SPIN1: variants seen among roughly 807,000 people sequenced by gnomAD.
SPIN1 encodes spindlin 1, also known as spindlin-1.
A neutral mutation model predicts 26.0 loss-of-function variants in SPIN1; 3 were observed. The observed-to-expected ratio is 0.12, with a 90% CI of 0.05 to 0.30. SPIN1 has a LOEUF of 0.30. SPIN1 is among the 10% of genes least tolerant of loss of function. SPIN1 has a pLI of 1.00. For missense variants in SPIN1, 126 were observed against 333.4 expected, an observed-to-expected ratio of 0.38 and a Z score of 4.84; for synonymous variants, 101 against 116.5, an observed-to-expected ratio of 0.87 and a Z score of 0.86.
At chr9:88,407,765 C>CTT (rs57142193) in intron 1 of SPIN1, among the ~76,000 whole-genome samples, 19 of 140,412 alleles carry the variant, frequency 1.4e-4, no homozygotes, top group African/African-American at 3.5e-4. Flanking sequence ...ATCTCTCTCT[C>CTT]TTTTTTTTTT....
chr9:88,397,507 T>C (rs1192623296), intron 1 of SPIN1, among the ~76,000 whole-genome samples: 1 of 152,156 alleles, frequency 6.6e-6, no homozygotes, highest in East Asian at 1.9e-4. Flanking sequence ...CTTTAGAGTT[T>C]GGCTCAAGCA....
intron 1 of SPIN1, among the ~76,000 whole-genome samples, chr9:88,423,123 TAAC>T (rs1827703323): frequency 6.6e-6 from 1 of 152,232 alleles, no homozygotes; most frequent in Non-Finnish European, 1.5e-5. Context: ...TTTAGTTTAT[TAAC>T]AAGTTCAACT....
At chr9:88,402,531 G>GTTT (rs1827213710) in intron 1 of SPIN1, among the ~76,000 whole-genome samples, 5 of 141,388 alleles carry the variant, frequency 3.5e-5, no homozygotes, top group South Asian at 2.2e-4. Context: ...TTTTTTTATA[G>GTTT]CTCCCATGTA....
chr9:88,472,736 A>G (rs10868784), intron 5 of SPIN1, among the ~76,000 whole-genome samples: 49,999 of 152,128 alleles, frequency 0.33, 15,436 homozygotes, highest in African/African-American at 0.82. Flanking sequence ...TGTGTCTCTC[A>G]CCTTGGCCTC....
intron 2 of SPIN1, among the ~76,000 whole-genome samples, chr9:88,442,147 T>TTAACATTTCTTACAAGGCAGGTC (rs1364010092): frequency 6.6e-6 from 1 of 151,722 alleles, no homozygotes; most frequent in African/African-American, 2.4e-5. Flanking sequence ...GATTTTCTTT[T>TTAACATTTCTTACAAGGCAGGTC]TAACATTTCT....
At chr9:88,417,571 CA>C (rs1459638190) in intron 1 of SPIN1, among the ~76,000 whole-genome samples, 1 of 152,054 alleles carries the variant, frequency 6.6e-6, no homozygotes, top group African/African-American at 2.4e-5. Context: ...CTCTCGGGTT[CA>C]AGCAATTTTC....
Position 88,426,510 on chromosome 9 carries a change from C to A in SPIN1, c.-30C>A. On this transcript the variant is annotated 5_prime_UTR_variant, in exon 2 of 6. Coordinates refer to ENST00000375859, the MANE Select transcript of SPIN1 (RefSeq NM_006717.3). ...ATATTGAATTTTCACCCTAGTCCAG[C>A]AGCTCCGCTGCTCACTTAAATACAG... The A allele has an allele frequency of 6.2e-7, 1 of 1,602,430 alleles. No homozygotes were observed. Among genetic ancestry groups the A allele is most frequent in the Non-Finnish European group, 8.5e-7 (1 of 1,171,482 alleles).
At chr9:88,462,844 T>C in intron 4 of SPIN1, 95 bp downstream of exon 4, 1 of 1,348,870 alleles carries the variant, frequency 7.4e-7, no homozygotes, top group Non-Finnish European at 1.0e-6. Flanking sequence ...TTCACTTTTA[T>C]TGGAACACAA....
At chr9:88,438,451 G>C (rs1037053750) in intron 2 of SPIN1, among the ~76,000 whole-genome samples, 3 of 152,126 alleles carry the variant, frequency 2.0e-5, no homozygotes, top group Non-Finnish European at 2.9e-5. Flanking sequence ...TTGTGAAACT[G>C]TTTTACAGTT....
rs188731901 is a variant in SPIN1 at position 88,463,063 on chromosome 9, C to T, written c.355+314C>T. Among the ~76,000 whole-genome samples the T allele has an allele frequency of 3.1e-4, 47 of 152,074 alleles. No homozygotes were observed. The East Asian group carries it at 8.9e-3, about 29-fold the overall frequency. ...GTAAGGTTATCAGTAGCTGAAATAT[C>T]CTATATGTTAATCTCATCTCATCAG... On this transcript the variant is annotated intron_variant, in intron 4 of 5. Coordinates refer to ENST00000375859, the MANE Select transcript of SPIN1 (RefSeq NM_006717.3).
intron 1 of SPIN1, chr9:88,410,503 C>T: frequency 1.3e-6 from 1 of 773,262 alleles, no homozygotes; most frequent in Admixed American, 1.7e-5. Flanking sequence ...TCTGGTTCTC[C>T]TCTCCTGCTA....
rs1827766133 is a variant in SPIN1 at position 88,426,411 on chromosome 9, A to T, written c.-129A>T. ...CTTGTGATTTCACGTATTTTTGCTG[A>T]ACTCGTAAAAGAGACACTTGGATGG... On this transcript the variant is annotated 5_prime_UTR_variant, in exon 2 of 6. Transcript: ENST00000375859. 1 of 652,784 alleles carries T rather than the reference A, an allele frequency of 1.5e-6. No individual in the cohort carries two copies. Among genetic ancestry groups the T allele is most frequent in the Non-Finnish European group, 2.7e-6 (1 of 376,130 alleles). The allele number at this position is 652,784 out of a possible 1,614,324, so 40.4% of individuals were successfully genotyped here.
chr9:88,434,995 T>C (rs1489499259), intron 2 of SPIN1, among the ~76,000 whole-genome samples: 1 of 148,432 alleles, frequency 6.7e-6, no homozygotes, highest in East Asian at 2.0e-4. Flanking sequence ...GAGGTTGCAG[T>C]GAGCCAAGAT....
At chr9:88,416,219 C>T (rs1827561511) in intron 1 of SPIN1, among the ~76,000 whole-genome samples, 1 of 152,174 alleles carries the variant, frequency 6.6e-6, no homozygotes. Context: ...TAATATCTGT[C>T]CTCAACATCT....
intron 1 of SPIN1, among the ~76,000 whole-genome samples, chr9:88,412,824 C>T (rs1827478667): frequency 1.3e-5 from 2 of 151,982 alleles, no homozygotes; most frequent in Admixed American, 1.3e-4. Flanking sequence ...GCTGGGACTA[C>T]AGGCGCATGC....
At chr9:88,395,915 C>T (rs1230349136) in intron 1 of SPIN1, among the ~76,000 whole-genome samples, 4 of 151,956 alleles carry the variant, frequency 2.6e-5, no homozygotes, top group African/African-American at 9.7e-5. Context: ...GGCGTGGTGG[C>T]GCGTGCCTGT....
chr9:88,389,128 T>G (rs1354482200), intron 1 of SPIN1, among the ~76,000 whole-genome samples: 1 of 152,074 alleles, frequency 6.6e-6, no homozygotes, highest in Non-Finnish European at 1.5e-5. Context: ...AGTTGCAGGC[T>G]CCGCGGTTCG....
intron 2 of SPIN1, among the ~76,000 whole-genome samples, chr9:88,447,970 AGTT>A (rs1828284076): frequency 6.6e-6 from 1 of 151,980 alleles, no homozygotes; most frequent in Non-Finnish European, 1.5e-5. Flanking sequence ...CCTGTTTTTC[AGTT>A]GTTTATGACA....
At chr9:88,430,887 T>TC (rs1035868595) in intron 2 of SPIN1, among the ~76,000 whole-genome samples, 1 of 150,454 alleles carries the variant, frequency 6.6e-6, no homozygotes, top group African/African-American at 2.4e-5. Flanking sequence ...TTTTTTCTTT[T>TC]TTTTTTTTTT....
Sources: gnomAD v4.1 joint callset for allele counts (sites outside exome capture counted in the v4.1 genomes callset) on GRCh38, gnomAD v4.1.1 for gene constraint, MANE v1.5 for transcripts, NCBI Gene and HGNC (gene_info 2026-07-23, HGNC 2026-07-21) for gene names.